The following MICAL2 variants were observed in gnomAD, a reference collection of about 807,000 sequenced individuals.
MICAL2 encodes microtubule associated monooxygenase, calponin and LIM domain containing 2, also known as [F-actin]-monooxygenase MICAL2.
MICAL2 carries 77 observed loss-of-function variants against 127.3 expected under a neutral mutation model. The ratio of observed to expected loss-of-function variants is 0.60; its 90% CI spans 0.50 to 0.73. The LOEUF is 0.73. Among genes scored for constraint, MICAL2 ranks in the 30% least tolerant of loss-of-function variants. MICAL2 has a pLI of 0.00. For synonymous variants in MICAL2, 570 were observed against 551.1 expected (o/e 1.03, Z -0.48); for missense variants, 1,351 against 1,434.4 (o/e 0.94, Z 0.94).
rs138731820 is a variant in MICAL2, at chr11:12,204,065, C to T, written c.265-185C>T. ...ACAGGGCTTGGTGCAGTGGCTGGTGCGTGGTAGGCCCACAGGTAAGGTACA... is the reference window on the plus strand; with the variant it reads ...ACAGGGCTTGGTGCAGTGGCTGGTGTGTGGTAGGCCCACAGGTAAGGTACA... On this transcript the variant is annotated intron_variant, in intron 3 of 27. Coordinates refer to ENST00000683283, the MANE Select transcript of MICAL2 (RefSeq NM_001282663.2). Among the ~76,000 whole-genome samples the T allele has an allele frequency of 3.3e-3, 503 of 152,262 alleles. 5 individuals carry two copies. Among genetic ancestry groups the T allele is most frequent in the African/African-American group, 0.012 (491 of 41,532 alleles).
chr11:12,133,915 C>T (rs1181408403), intron 1 of MICAL2, among the ~76,000 whole-genome samples: 1 of 152,224 alleles, frequency 6.6e-6, no homozygotes, highest in Non-Finnish European at 1.5e-5. Flanking sequence ...ATTGCCATCA[C>T]CTCTGAGGGA....
intron 7 of MICAL2, among the ~76,000 whole-genome samples, chr11:12,214,746 G>C (rs554480890): frequency 1.6e-4 from 25 of 152,206 alleles, no homozygotes; most frequent in African/African-American, 5.5e-4. Context: ...CATAACTGTT[G>C]ATGGCTGCTT....
intron 24 of MICAL2, among the ~76,000 whole-genome samples, chr11:12,269,264 C>G (rs975584387): frequency 6.6e-6 from 1 of 152,144 alleles, no homozygotes; most frequent in African/African-American, 2.4e-5. Flanking sequence ...GGCTGCCTTC[C>G]GAGAAACTTA....
chr11:12,345,932 G>C (rs972645839), intron 32 of MICAL2, among the ~76,000 whole-genome samples: 5 of 152,320 alleles, frequency 3.3e-5, no homozygotes, highest in East Asian at 1.9e-4. Flanking sequence ...ACGATCTGGA[G>C]GCGCTGTGAA....
At chr11:12,328,794 TC>T (rs1488027221) in intron 32 of MICAL2, among the ~76,000 whole-genome samples, 1 of 152,122 alleles carries the variant, frequency 6.6e-6, no homozygotes, top group African/African-American at 2.4e-5. Flanking sequence ...TCTTTAAGAG[TC>T]CAGTTACATG....
intron 2 of MICAL2, among the ~76,000 whole-genome samples, chr11:12,155,792 T>C (rs1435056446): frequency 2.0e-5 from 3 of 152,194 alleles, no homozygotes; most frequent in African/African-American, 7.2e-5. Context: ...GCCTGGGTGG[T>C]ACTGGGCCCT....
At chr11:12,304,692 AC>A (rs1486742853) in intron 29 of MICAL2, among the ~76,000 whole-genome samples, 13 of 139,540 alleles carry the variant, frequency 9.3e-5, no homozygotes, top group South Asian at 2.3e-4. Flanking sequence ...ACACACACAC[AC>A]AAAACATTCT....
At chr11:12,239,055 C>T (rs1859505705) in intron 16 of MICAL2, among the ~76,000 whole-genome samples, 2 of 152,270 alleles carry the variant, frequency 1.3e-5, no homozygotes, top group South Asian at 4.1e-4. Context: ...TTTTTGAAAA[C>T]CATTTTGTTC....
At chr11:12,164,674 A>G (rs1855258684) in intron 3 of MICAL2, among the ~76,000 whole-genome samples, 1 of 152,044 alleles carries the variant, frequency 6.6e-6, no homozygotes, top group African/African-American at 2.4e-5. Context: ...CCAGGTCAAT[A>G]TTGAAAAAAA....
intron 2 of MICAL2, among the ~76,000 whole-genome samples, chr11:12,140,020 A>C (rs1285738232): frequency 6.6e-6 from 1 of 152,112 alleles, no homozygotes. Flanking sequence ...CTTTTCTTGC[A>C]ACTTCCTGGA....
intron 3 of MICAL2, among the ~76,000 whole-genome samples, chr11:12,187,392 G>T (rs184651396): frequency 6.8e-4 from 104 of 152,292 alleles, no homozygotes; most frequent in African/African-American, 2.4e-3. Flanking sequence ...TTGTTTCTAG[G>T]GGTGTGGTCC....
chr11:12,224,596 G>A (rs371086988), intron 12 of MICAL2, 77 bp from the exon 13 acceptor site: 6 of 1,548,602 alleles, frequency 3.9e-6, no homozygotes, highest in Non-Finnish European at 5.3e-6. Context: ...AGCCATGGTG[G>A]CAATGAGAAG....
At chr11:12,134,495 G>A (rs1590023445) in intron 1 of MICAL2, among the ~76,000 whole-genome samples, 1 of 152,196 alleles carries the variant, frequency 6.6e-6, no homozygotes, top group African/African-American at 2.4e-5. Flanking sequence ...TGCTCCAGGG[G>A]CTTGCAGTGG....
Position 12,253,931 on chromosome 11 carries a change from C to T in MICAL2, c.2848-1712C>T, listed in dbSNP as rs570044921. On this transcript the variant is annotated intron_variant, in intron 22 of 27. Transcript: ENST00000683283. ...TGATTAACTCAACCTTCAGCCTCTCCGCCCTTGTAGGTCAGTGTGTGGGAC... is the reference window on the plus strand; with the variant it reads ...TGATTAACTCAACCTTCAGCCTCTCTGCCCTTGTAGGTCAGTGTGTGGGAC... 5 of 152,310 alleles carry T rather than the reference C, an allele frequency of 3.3e-5. No homozygotes were observed. In the East Asian group the frequency reaches 5.8e-4, roughly 18 times the overall value. 9.4% of individuals were successfully genotyped at this position (152,310 alleles called of 1,614,324 possible). A position where few individuals can be genotyped will look rare whatever the true frequency, so the allele number is the denominator to read the frequency against.
intron 19 of MICAL2, 78 bp from the exon 20 acceptor site, chr11:12,242,593 A>T: frequency 2.0e-6 from 3 of 1,471,712 alleles, no homozygotes; most frequent in South Asian, 2.3e-5. Context: ...TGCCTCCCTC[A>T]CCCACTTCTT....
intron 1 of MICAL2, among the ~76,000 whole-genome samples, chr11:12,127,141 C>T (rs944804317): frequency 1.3e-5 from 2 of 152,074 alleles, no homozygotes; most frequent in Non-Finnish European, 2.9e-5. Flanking sequence ...AGGATGAAGG[C>T]CCAGGGTCTC....
intron 1 of MICAL2, chr11:12,276,699 C>G (rs1460086326): frequency 6.6e-6 from 1 of 152,306 alleles, no homozygotes; most frequent in Non-Finnish European, 1.5e-5. Flanking sequence ...CCCAGATGCA[C>G]TGAATTCACT....
intron 3 of MICAL2, among the ~76,000 whole-genome samples, chr11:12,166,116 G>C (rs568668477): frequency 3.9e-5 from 6 of 152,268 alleles, no homozygotes; most frequent in Admixed American, 3.9e-4. Context: ...ATGTAATTTG[G>C]TGTGGGAAAT....
At chr11:12,142,963 A>G (rs1406569397) in intron 2 of MICAL2, among the ~76,000 whole-genome samples, 3 of 152,246 alleles carry the variant, frequency 2.0e-5, no homozygotes, top group Non-Finnish European at 4.4e-5. Flanking sequence ...TCCAAATGCC[A>G]GGTCCTGGGC....
Sources: gnomAD v4.1 joint callset for allele counts (sites outside exome capture counted in the v4.1 genomes callset) on GRCh38, gnomAD v4.1.1 for gene constraint, MANE v1.5 for transcripts, NCBI Gene and HGNC (gene_info 2026-07-23, HGNC 2026-07-21) for gene names.